VPS37A: variants seen among roughly 807,000 people sequenced by gnomAD.
The protein encoded by VPS37A is vacuolar protein sorting-associated protein 37A.
Under a neutral mutation model 49.8 loss-of-function variants are expected in VPS37A, and 30 were observed. That is an observed-to-expected ratio of 0.60 (90% confidence interval 0.45 to 0.82). The LOEUF (loss-of-function observed/expected upper bound fraction) is 0.82. Among genes scored for constraint, VPS37A ranks in the 40% least tolerant of loss-of-function variants. The pLI is 0.00. For synonymous variants in VPS37A, 195 were observed against 160.6 expected (o/e 1.21, Z -1.62); for missense variants, 593 against 464.4 (o/e 1.28, Z -2.55).
chr8:17,329,409 T>C, the VPS37A span, among the ~76,000 whole-genome samples: 1 of 152,206 alleles, frequency 6.6e-6, no homozygotes, highest in Non-Finnish European at 1.5e-5. Context: ...CCATGTTCCC[T>C]TATGAAACAG....
intron 1 of VPS37A, among the ~76,000 whole-genome samples, chr8:17,253,374 C>G (rs554501926): frequency 4.6e-5 from 7 of 152,308 alleles, no homozygotes; most frequent in African/African-American, 1.4e-4. Flanking sequence ...TTCTAAAATT[C>G]AAATTTGACC....
chr8:17,249,203 T>C (rs1811748677), intron 1 of VPS37A, among the ~76,000 whole-genome samples: 1 of 152,198 alleles, frequency 6.6e-6, no homozygotes. Context: ...CTAAGGCTGG[T>C]AAGTAAGGGA....
the VPS37A span, among the ~76,000 whole-genome samples, chr8:17,328,889 A>T: frequency 6.6e-6 from 1 of 152,136 alleles, no homozygotes; most frequent in South Asian, 2.1e-4. Flanking sequence ...ATCCCACAAA[A>T]ATAGTTTGGT....
At chr8:17,303,167 C>T (rs1817237967), downstream of VPS37A, among the ~76,000 whole-genome samples, 1 of 152,050 alleles carries the variant, frequency 6.6e-6, no homozygotes, top group Middle Eastern at 3.2e-3. Flanking sequence ...ATCTGCAGTG[C>T]CCAGAACAGT....
downstream of VPS37A, among the ~76,000 whole-genome samples, chr8:17,307,111 A>C (rs542273402): frequency 4.6e-5 from 7 of 152,274 alleles, no homozygotes; most frequent in South Asian, 2.1e-4. Context: ...CAACCTACAA[A>C]ATGGGAGAAA....
downstream of VPS37A, chr8:17,304,508 C>T: frequency 6.2e-7 from 1 of 1,613,284 alleles, no homozygotes; most frequent in East Asian, 2.2e-5. Context: ...TGAGTATGTT[C>T]TTTCTTGAAT....
At chr8:17,304,398 G>C (rs1279723170), downstream of VPS37A, 1 of 1,613,540 alleles carries the variant, frequency 6.2e-7, no homozygotes, top group Non-Finnish European at 8.5e-7. Context: ...AAGTTACATG[G>C]TGTTGTAGGG....
the VPS37A span, among the ~76,000 whole-genome samples, chr8:17,322,624 A>G: frequency 6.6e-6 from 1 of 152,096 alleles, no homozygotes; most frequent in Non-Finnish European, 1.5e-5. Context: ...GTTCAAGATC[A>G]ACCTGGGTAA....
intron 1 of VPS37A, among the ~76,000 whole-genome samples, chr8:17,262,696 C>G (rs1813068681): frequency 6.6e-6 from 1 of 151,766 alleles, no homozygotes; most frequent in South Asian, 2.1e-4. Context: ...TGCAAACAAT[C>G]TAAATATCTA....
intron 6 of VPS37A, among the ~76,000 whole-genome samples, chr8:17,278,704 T>G (rs958489260): frequency 5.9e-5 from 9 of 152,084 alleles, no homozygotes; most frequent in South Asian, 2.1e-4. Flanking sequence ...TTTGTTTTTG[T>G]TTTTTACAGT....
downstream of VPS37A, chr8:17,305,891 A>G (rs1345309084): frequency 9.9e-6 from 16 of 1,613,678 alleles, no homozygotes; most frequent in Admixed American, 3.3e-5. Flanking sequence ...TTAACTGCCA[A>G]ACACACTCAA....
At chr8:17,286,602 C>T in intron 11 of VPS37A, 175 bp downstream of exon 11, 2 of 518,116 alleles carry the variant, frequency 3.9e-6, no homozygotes, top group Non-Finnish European at 6.7e-6. Flanking sequence ...AAACATATAA[C>T]TAGTAGAAAT....
At chr8:17,280,500 A>G (rs1227012150) in intron 9 of VPS37A, 57 bp downstream of exon 9, 5 of 1,451,802 alleles carry the variant, frequency 3.4e-6, no homozygotes, top group Admixed American at 2.2e-5. Context: ...TCTTATGTGC[A>G]TGAGTCCTGA....
chr8:17,264,819 T>G (rs1183330918), intron 1 of VPS37A, among the ~76,000 whole-genome samples: 1 of 152,178 alleles, frequency 6.6e-6, no homozygotes, highest in African/African-American at 2.4e-5. Context: ...ACTTAGCATT[T>G]TCCCCCTTGG....
At chr8:17,265,318 T>C (rs1813343309) in intron 1 of VPS37A, among the ~76,000 whole-genome samples, 1 of 152,216 alleles carries the variant, frequency 6.6e-6, no homozygotes, top group African/African-American at 2.4e-5. Context: ...CTGTACATTC[T>C]ACTGGATGGG....
At chr8:17,282,895 T>C (rs975412432) in intron 9 of VPS37A, among the ~76,000 whole-genome samples, 2 of 152,196 alleles carry the variant, frequency 1.3e-5, no homozygotes, top group African/African-American at 4.8e-5. Context: ...AGGAATCTGT[T>C]CTGTTTCATT....
At chr8:17,247,703 C>A in intron 1 of VPS37A, 1 of 702,742 alleles carries the variant, frequency 1.4e-6, no homozygotes, top group South Asian at 1.5e-5. Flanking sequence ...TGATCTTTCC[C>A]TTTGCCCACC....
Position 17,280,035 on chromosome 8 carries a change from C to G in VPS37A, c.721C>G (p.Gln241Glu). ...TTTCTTTTGTGTTTCTAGTGTGTCA[C>G]AACTCACAGATATGAATGAACAAGA... ...FPELSELSVS[Q>E]LTDMNEQEEV... is the part of the protein sequence containing the mutation. Residue 241 changes from glutamine (Q) to glutamate (E), a missense_variant, in exon 7 of 12, where the codon CAA becomes GAA. Gln to Glu is a conservative substitution (Grantham distance 29). Coordinates refer to ENST00000324849, the MANE Select transcript of VPS37A (RefSeq NM_152415.3). 1 of 1,610,504 alleles carries G rather than the reference C, an allele frequency of 6.2e-7. No homozygotes were observed. Among genetic ancestry groups the G allele is most frequent in the Admixed American group, 1.7e-5 (1 of 59,642 alleles).
chr8:17,260,157 G>A (rs1025848428), intron 1 of VPS37A, among the ~76,000 whole-genome samples: 1 of 151,896 alleles, frequency 6.6e-6, no homozygotes, highest in African/African-American at 2.4e-5. Context: ...ATCTTCCTTT[G>A]TAGGTAAGTG....
Sources: gnomAD v4.1 joint callset for allele counts (sites outside exome capture counted in the v4.1 genomes callset) on GRCh38, gnomAD v4.1.1 for gene constraint, MANE v1.5 for transcripts, NCBI Gene and HGNC (gene_info 2026-07-23, HGNC 2026-07-21) for gene names.